The following NKAIN3 variants were observed in gnomAD, a reference collection of about 807,000 sequenced individuals.
NKAIN3 encodes sodium/potassium transporting ATPase interacting 3, also known as sodium/potassium-transporting ATPase subunit beta-1-interacting protein 3.
In NKAIN3, 25 loss-of-function variants were observed where a neutral mutation model predicts 30.2. That is an observed-to-expected ratio of 0.83 (90% CI 0.60 to 1.16). NKAIN3 has a LOEUF of 1.16. Among genes scored for constraint, NKAIN3 ranks in the 50% most tolerant of loss-of-function variants. NKAIN3 has a pLI of 0.00. For missense variants in NKAIN3, 225 were observed against 254.1 expected, an observed-to-expected ratio of 0.89 and a Z score of 0.78; for synonymous variants, 91 against 89.6, an observed-to-expected ratio of 1.02 and a Z score of -0.09.
chr8:62,265,255 T>C (rs1176461665), intron 1 of NKAIN3, among the ~76,000 whole-genome samples: 2 of 152,360 alleles, frequency 1.3e-5, no homozygotes, highest in African/African-American at 2.4e-5. Flanking sequence ...CGTAAAGCCA[T>C]GAAAGTGACT....
chr8:62,910,745 C>A (rs1407485851), intron 4 of NKAIN3, among the ~76,000 whole-genome samples: 1 of 113,600 alleles, frequency 8.8e-6, no homozygotes, highest in Non-Finnish European at 1.8e-5. Flanking sequence ...ATTCTTCCAT[C>A]GGGACAGGAT....
chr8:62,750,391 C>G (rs1816237777), intron 4 of NKAIN3, among the ~76,000 whole-genome samples: 1 of 152,054 alleles, frequency 6.6e-6, no homozygotes, highest in Admixed American at 6.5e-5. Context: ...GAAAAGTCAC[C>G]TCTGTCATAA....
chr8:62,407,033 G>A (rs1804093051), intron 1 of NKAIN3, among the ~76,000 whole-genome samples: 1 of 152,030 alleles, frequency 6.6e-6, no homozygotes, highest in Admixed American at 6.6e-5. Context: ...ATAGACATTT[G>A]AATGTAAAAC....
In NKAIN3 at chr8:62,849,903, T is replaced by C. The variant is rs577576182; in HGVS notation, c.472-68550T>C. On this transcript the variant is annotated intron_variant, in intron 4 of 6. Transcript: ENST00000623646. Reference sequence around the variant, plus strand: ...AAGTCTTTGCTATTGTGAATAGTGCTGCAGTAAACATATGTGTGCATGTGT... The same window carrying C: ...AAGTCTTTGCTATTGTGAATAGTGCCGCAGTAAACATATGTGTGCATGTGT... Among the ~76,000 whole-genome samples the C allele has an allele frequency of 9.4e-4, 143 of 152,156 alleles. 1 individual carries two copies. The highest frequency in any genetic ancestry group is 3.2e-3 in the African/African-American group (134 of 41,548).
intron 3 of NKAIN3, among the ~76,000 whole-genome samples, chr8:62,670,117 C>T (rs927988044): frequency 4.6e-5 from 7 of 152,014 alleles, no homozygotes; most frequent in Non-Finnish European, 7.4e-5. Context: ...AAACCATTGA[C>T]GAGAAGAGAC....
At chr8:62,642,141 CA>C (rs1482941524) in intron 3 of NKAIN3, among the ~76,000 whole-genome samples, 1 of 151,970 alleles carries the variant, frequency 6.6e-6, no homozygotes, top group Non-Finnish European at 1.5e-5. Flanking sequence ...ATAACGATGA[CA>C]AAAACAATGC....
chr8:62,582,364 A>G (rs1227401055), intron 2 of NKAIN3, among the ~76,000 whole-genome samples: 20 of 152,128 alleles, frequency 1.3e-4, no homozygotes, highest in Admixed American at 1.3e-3. Flanking sequence ...CAGTGCAATG[A>G]AGAGAGGTGT....
chr8:62,835,893 C>T (rs749964705), intron 4 of NKAIN3, among the ~76,000 whole-genome samples: 1 of 152,098 alleles, frequency 6.6e-6, no homozygotes, highest in Non-Finnish European at 1.5e-5. Flanking sequence ...CTGGTATGTT[C>T]ATTGCAGTGC....
chr8:62,300,125 G>A (rs756991499), intron 1 of NKAIN3, among the ~76,000 whole-genome samples: 7 of 152,066 alleles, frequency 4.6e-5, no homozygotes, highest in Non-Finnish European at 1.0e-4. Flanking sequence ...ATCCTTAGCT[G>A]CATACAGGTT....
chr8:62,481,132 G>A (rs183621426), intron 1 of NKAIN3, among the ~76,000 whole-genome samples: 3 of 152,028 alleles, frequency 2.0e-5, no homozygotes, highest in Admixed American at 1.3e-4. Context: ...AATCCTCCCC[G>A]ATCTAGATAG....
chr8:62,772,886 C>A (rs184211205), intron 4 of NKAIN3, among the ~76,000 whole-genome samples: 8 of 152,198 alleles, frequency 5.3e-5, no homozygotes, highest in Admixed American at 5.2e-4. Flanking sequence ...GTCTCGAACT[C>A]CTGATCTCAT....
intron 4 of NKAIN3, among the ~76,000 whole-genome samples, chr8:62,865,072 G>GA (rs1001302284): frequency 9.2e-5 from 14 of 152,144 alleles, no homozygotes; most frequent in East Asian, 1.9e-4. Flanking sequence ...TTTTCTTCTG[G>GA]AAAAAAATAC....
rs554032611 is a variant in NKAIN3 at position 62,403,235 on chromosome 8, A to G, written c.54+154108A>G. On this transcript the variant is annotated intron_variant, in intron 1 of 6. Coordinates refer to ENST00000623646, the MANE Select transcript of NKAIN3 (RefSeq NM_001304533.3). ...AGCAGCAAAACATTCAAGAGGAAGCACGCCTAAAAGTTTGGAAATTTTGCA... is the reference window on the plus strand; with the variant it reads ...AGCAGCAAAACATTCAAGAGGAAGCGCGCCTAAAAGTTTGGAAATTTTGCA... Among the ~76,000 whole-genome samples the G allele has an allele frequency of 1.9e-4, 29 of 152,308 alleles. 1 individual carries two copies. In the South Asian group the frequency reaches 6.0e-3, roughly 32 times the overall value.
intron 3 of NKAIN3, among the ~76,000 whole-genome samples, chr8:62,698,192 A>G (rs1420860085): frequency 6.6e-6 from 1 of 152,240 alleles, no homozygotes; most frequent in Non-Finnish European, 1.5e-5. Context: ...AAACAGCATC[A>G]ATGGAATAAG....
intron 1 of NKAIN3, among the ~76,000 whole-genome samples, chr8:62,252,954 G>A (rs1563907270): frequency 1.3e-5 from 2 of 152,186 alleles, no homozygotes; most frequent in Non-Finnish European, 2.9e-5. Flanking sequence ...TTTTCTGAGA[G>A]TAGCCTCAGT....
intron 4 of NKAIN3, among the ~76,000 whole-genome samples, chr8:62,888,175 C>A (rs1475875493): frequency 1.3e-5 from 2 of 152,186 alleles, no homozygotes; most frequent in Non-Finnish European, 2.9e-5. Flanking sequence ...GGGTATTTCT[C>A]TTTCCCCAGG....
chr8:62,406,380 A>G (rs78905768), intron 1 of NKAIN3, among the ~76,000 whole-genome samples: 6,541 of 152,306 alleles, frequency 0.043, 191 homozygotes, highest in Non-Finnish European at 0.067. Context: ...AATATGTGAA[A>G]GTTAGATCAT....
chr8:62,940,879 C>T (rs551565750), intron 5 of NKAIN3, among the ~76,000 whole-genome samples: 2 of 150,808 alleles, frequency 1.3e-5, no homozygotes, highest in South Asian at 2.1e-4. Flanking sequence ...AAGAACAAAC[C>T]GAATCCAAAC....
chr8:62,292,720 G>C (rs1813690535), intron 1 of NKAIN3, among the ~76,000 whole-genome samples: 1 of 152,142 alleles, frequency 6.6e-6, no homozygotes, highest in South Asian at 2.1e-4. Context: ...GTGTCTTGGA[G>C]TTGCTCTTCT....
Sources: gnomAD v4.1 joint callset for allele counts (sites outside exome capture counted in the v4.1 genomes callset) on GRCh38, gnomAD v4.1.1 for gene constraint, MANE v1.5 for transcripts, NCBI Gene and HGNC (gene_info 2026-07-23, HGNC 2026-07-21) for gene names.